Variants in AKAP6 observed in about 807,000 individuals in gnomAD.
AKAP6 encodes the protein A-kinase anchoring protein 6.
Under a neutral mutation model 188.5 loss-of-function variants are expected in AKAP6, and 58 were observed. The ratio of observed to expected loss-of-function variants is 0.31; its 90% CI spans 0.25 to 0.38. The LOEUF (loss-of-function observed/expected upper bound fraction) is 0.38, where lower values mean the gene tolerates loss of function less well. Among genes scored for constraint, AKAP6 ranks in the 10% least tolerant of loss-of-function variants. AKAP6 has a pLI of 1.00. For synonymous variants in AKAP6, 989 were observed against 998.6 expected, an observed-to-expected ratio of 0.99 and a Z score of 0.18; for missense variants, 2,710 against 2,740.0, an observed-to-expected ratio of 0.99 and a Z score of 0.24.
intron 1 of AKAP6, among the ~76,000 whole-genome samples, chr14:32,338,467 C>T (rs992476985): frequency 6.7e-6 from 1 of 150,180 alleles, no homozygotes; most frequent in Non-Finnish European, 1.5e-5. Context: ...ATTTGGAATC[C>T]TAACATCCAG....
In AKAP6 at chr14:32,609,080, C is replaced by T. The variant is rs149403105; in HGVS notation, c.2730+8288C>T. ...GGCTGAGCTGGGAGAGCCCTGCCTG[C>T]TAAAGGGATTACTCCGCTCTGGCTT... On this transcript the variant is annotated intron_variant, in intron 7 of 13. Transcript: ENST00000280979. 8.2e-3 allele frequency among the ~76,000 whole-genome samples: 1,253 copies of T among 152,260 alleles called. 16 individuals carry two copies. The highest frequency in any genetic ancestry group is 0.01 in the Non-Finnish European group (702 of 68,016).
intron 11 of AKAP6, among the ~76,000 whole-genome samples, chr14:32,768,228 T>G (rs1370005715): frequency 6.6e-6 from 1 of 152,216 alleles, no homozygotes; most frequent in Non-Finnish European, 1.5e-5. Context: ...TTGCTCTATT[T>G]CTTATTAGAG....
chr14:32,357,814 T>G (rs1432509112), intron 1 of AKAP6, among the ~76,000 whole-genome samples: 1 of 152,222 alleles, frequency 6.6e-6, no homozygotes, highest in Non-Finnish European at 1.5e-5. Flanking sequence ...ATCTGTGATG[T>G]GAAGGACATC....
intron 1 of AKAP6, among the ~76,000 whole-genome samples, chr14:32,361,137 G>A (rs1887650071): frequency 6.6e-6 from 1 of 151,428 alleles, no homozygotes; most frequent in South Asian, 2.1e-4. Flanking sequence ...AGGAATCAAT[G>A]TCAGGCTCTG....
intron 4 of AKAP6, among the ~76,000 whole-genome samples, chr14:32,574,582 G>T (rs544993514): frequency 2.0e-5 from 3 of 152,248 alleles, no homozygotes; most frequent in South Asian, 2.1e-4. Context: ...ATAGTGCATG[G>T]TTTTTTAACT....
chr14:32,525,815 G>A (rs1882092011), intron 2 of AKAP6, among the ~76,000 whole-genome samples: 1 of 152,108 alleles, frequency 6.6e-6, no homozygotes, highest in Non-Finnish European at 1.5e-5. Context: ...AGATAACCAA[G>A]ACAAATAAGA....
intron 4 of AKAP6, among the ~76,000 whole-genome samples, chr14:32,551,323 G>A (rs1346579225): frequency 6.6e-6 from 1 of 152,062 alleles, no homozygotes; most frequent in African/African-American, 2.4e-5. Context: ...TGTAATCCCA[G>A]CACTTTGGGA....
chr14:32,399,332 A>G (rs1467669217), intron 1 of AKAP6, among the ~76,000 whole-genome samples: 1 of 152,220 alleles, frequency 6.6e-6, no homozygotes, highest in Non-Finnish European at 1.5e-5. Flanking sequence ...ATCATAAAAT[A>G]TAACTATTAA....
intron 1 of AKAP6, among the ~76,000 whole-genome samples, chr14:32,342,577 C>T (rs1886923939): frequency 6.6e-6 from 1 of 152,138 alleles, no homozygotes; most frequent in Non-Finnish European, 1.5e-5. Flanking sequence ...TCATGAAGCC[C>T]CTCCTATCTC....
At chr14:32,348,417 C>CTTT (rs71115063) in intron 1 of AKAP6, among the ~76,000 whole-genome samples, 2,677 of 126,102 alleles carry the variant, frequency 0.021, 53 homozygotes, top group African/African-American at 0.027. Flanking sequence ...TCTTTTGTTT[C>CTTT]TTTTTTTTTT....
intron 7 of AKAP6, among the ~76,000 whole-genome samples, chr14:32,672,722 C>T (rs1206428082): frequency 6.6e-6 from 1 of 152,060 alleles, no homozygotes; most frequent in East Asian, 1.9e-4. Flanking sequence ...AAAAGTTTAC[C>T]AGAGGTACTA....
intron 12 of AKAP6, among the ~76,000 whole-genome samples, chr14:32,783,454 T>G (rs1314942270): frequency 6.6e-6 from 1 of 152,140 alleles, no homozygotes; most frequent in Non-Finnish European, 1.5e-5. Flanking sequence ...CATTGTAATA[T>G]GTATAATTTA....
At chr14:32,532,333 G>A (rs1396420495) in intron 2 of AKAP6, among the ~76,000 whole-genome samples, 1 of 152,138 alleles carries the variant, frequency 6.6e-6, no homozygotes, top group Non-Finnish European at 1.5e-5. Context: ...TCCCCTTAGG[G>A]GTCCATCTGC....
chr14:32,371,395 A>G (rs758022621), intron 1 of AKAP6, among the ~76,000 whole-genome samples: 2 of 152,212 alleles, frequency 1.3e-5, no homozygotes, highest in Non-Finnish European at 2.9e-5. Context: ...CCTGGGCAAC[A>G]TAGTGAGACC....
chr14:32,405,298 A>G (rs376416772), intron 1 of AKAP6, among the ~76,000 whole-genome samples: 15 of 152,192 alleles, frequency 9.9e-5, no homozygotes, highest in African/African-American at 2.9e-4. Context: ...CATGCTCCAT[A>G]CTGGCTGACA....
At position 32,711,691 on chromosome 14, in the gene AKAP6, T is replaced by C. The variant is rs1398887194; in HGVS notation, c.3000+15581T>C. On this transcript the variant is annotated intron_variant, in intron 9 of 13. Transcript: ENST00000280979. ...CCTTGAAGGGAATGGATGGACCTCA[T>C]CTCAGTGCCCCAGTTTATGTTATTT... Among the ~76,000 whole-genome samples the C allele has an allele frequency of 2.6e-5, 4 of 152,012 alleles. No individual in the cohort carries two copies. In the East Asian group the frequency reaches 7.7e-4, roughly 29 times the overall value.
chr14:32,681,057 A>G (rs1235351561), intron 8 of AKAP6, among the ~76,000 whole-genome samples: 3 of 152,192 alleles, frequency 2.0e-5, no homozygotes, highest in African/African-American at 7.2e-5. Context: ...GTGCTTTTCA[A>G]TTTAGGTGAA....
At chr14:32,350,602 G>A (rs1887232766) in intron 1 of AKAP6, among the ~76,000 whole-genome samples, 1 of 152,166 alleles carries the variant, frequency 6.6e-6, no homozygotes, top group Non-Finnish European at 1.5e-5. Flanking sequence ...TAATAGTTCT[G>A]TACTAAGATC....
At chr14:32,540,198 A>AT (rs1287186243) in intron 3 of AKAP6, among the ~76,000 whole-genome samples, 3 of 63,914 alleles carry the variant, frequency 4.7e-5, no homozygotes, top group Non-Finnish European at 9.8e-5. Context: ...ATATATTTTA[A>AT]TTTTTTATTT....
Sources: allele counts gnomAD v4.1 joint callset (sites outside exome capture counted in the v4.1 genomes callset), GRCh38; gene constraint gnomAD v4.1.1; transcripts MANE v1.5; gene names NCBI Gene and HGNC (gene_info 2026-07-23, HGNC 2026-07-21).